The following POLK variants were observed in gnomAD, a reference collection of about 807,000 sequenced individuals.
POLK encodes polymerase (DNA directed) kappa.
A neutral mutation model predicts 94.0 loss-of-function variants in POLK; 76 were observed. The ratio of observed to expected loss-of-function variants is 0.81; its 90% CI spans 0.67 to 0.98. The LOEUF (loss-of-function observed/expected upper bound fraction) is 0.98. Ranked by LOEUF, POLK falls within the 50% of genes least tolerant of loss-of-function variation. The pLI is 0.00. For synonymous variants in POLK, 349 were observed against 325.4 expected (o/e 1.07, Z -0.78); for missense variants, 954 against 1,010.1 (o/e 0.94, Z 0.75).
intron 5 of POLK, among the ~76,000 whole-genome samples, chr5:75,575,467 C>T (rs1451009150): frequency 6.6e-6 from 1 of 152,194 alleles, no homozygotes. Context: ...AGGCATGAGC[C>T]ATCATGCCCA....
rs1239706524 is a variant in POLK at position 75,599,258 on chromosome 5, AAT to A, written c.*1242_*1243del. The A allele has an allele frequency of 4.6e-5, 7 of 152,164 alleles. No homozygotes were observed. The East Asian group carries it at 1.3e-3, about 29-fold the overall frequency. 9.4% of individuals were successfully genotyped at this position (152,164 alleles called of 1,614,324 possible). Reference sequence around the variant, plus strand: ...CGAGACTCTGTCTCAATAATATAATAATAGTTATTATTTAATTGCAACATGAA... The same window carrying A: ...CGAGACTCTGTCTCAATAATATAATAAGTTATTATTTAATTGCAACATGAA... On this transcript the variant is annotated 3_prime_UTR_variant, in exon 15 of 15. Transcript: ENST00000241436.
chr5:75,596,707 A>G (rs1488645605), exon 13 of POLK: 4 of 1,614,010 alleles, frequency 2.5e-6, no homozygotes, highest in Non-Finnish European at 2.5e-6. Context: ...AGTTAACAAG[A>G]AAGAAAATGT....
intron 1 of POLK, among the ~76,000 whole-genome samples, chr5:75,526,079 C>A (rs1768825955): frequency 1.3e-5 from 2 of 152,076 alleles, no homozygotes; most frequent in Admixed American, 6.5e-5. Flanking sequence ...CATTAGTTAC[C>A]ATTTATATAT....
At chr5:75,568,450 G>A (rs1269974202) in intron 3 of POLK, among the ~76,000 whole-genome samples, 1 of 152,148 alleles carries the variant, frequency 6.6e-6, no homozygotes, top group Non-Finnish European at 1.5e-5. Context: ...CACAAAAATG[G>A]AAGTTAGAAA....
intron 1 of POLK, among the ~76,000 whole-genome samples, chr5:75,531,760 C>T (rs544539265): frequency 6.6e-6 from 1 of 151,984 alleles, no homozygotes; most frequent in East Asian, 1.9e-4. Flanking sequence ...TCACTACACT[C>T]CAGCCTGGGT....
intron 1 of POLK, among the ~76,000 whole-genome samples, chr5:75,545,790 G>A (rs1769987846): frequency 6.6e-6 from 1 of 151,884 alleles, no homozygotes; most frequent in South Asian, 2.1e-4. Context: ...GTTTTAATCT[G>A]GGTAGAAACG....
intron 9 of POLK, 49 bp downstream of exon 9, chr5:75,584,975 T>C (rs1479172772): frequency 8.1e-7 from 1 of 1,234,890 alleles, no homozygotes; most frequent in South Asian, 1.3e-5. Context: ...TTTGCTGCAA[T>C]ATCAGTTTTA....
At chr5:75,526,393 A>T (rs1177505075) in intron 1 of POLK, among the ~76,000 whole-genome samples, 1 of 152,054 alleles carries the variant, frequency 6.6e-6, no homozygotes, top group Non-Finnish European at 1.5e-5. Context: ...AAAAAACCTC[A>T]GCACCTAATT....
chr5:75,584,890 A>G (rs1480637098), exon 9 of POLK: 3 of 1,606,866 alleles, frequency 1.9e-6, no homozygotes, highest in Admixed American at 3.4e-5. Context: ...TATTTCCTTC[A>G]TATCTCCTTG....
downstream of POLK, among the ~76,000 whole-genome samples, chr5:75,601,747 C>T (rs772181885): frequency 6.6e-6 from 1 of 152,166 alleles, no homozygotes; most frequent in Non-Finnish European, 1.5e-5. Flanking sequence ...TGAAGGGCTG[C>T]ACCATCTGCT....
At chr5:75,578,427 G>A (rs925496796) in intron 6 of POLK, among the ~76,000 whole-genome samples, 1 of 152,164 alleles carries the variant, frequency 6.6e-6, no homozygotes, top group African/African-American at 2.4e-5. Flanking sequence ...AAAGTGCTGG[G>A]ATTACAGGCA....
intron 5 of POLK, among the ~76,000 whole-genome samples, chr5:75,575,085 CA>C (rs1771804721): frequency 6.6e-6 from 1 of 152,178 alleles, no homozygotes; most frequent in African/African-American, 2.4e-5. Flanking sequence ...ATGCAGATAA[CA>C]AATGAGTTCT....
intron 1 of POLK, among the ~76,000 whole-genome samples, chr5:75,520,891 T>C (rs569709687): frequency 2.6e-5 from 4 of 152,222 alleles, no homozygotes; most frequent in Non-Finnish European, 5.9e-5. Flanking sequence ...CTGAATATAA[T>C]ATTCTTCAAT....
intron 6 of POLK, among the ~76,000 whole-genome samples, chr5:75,577,303 C>T (rs1241372747): frequency 6.6e-6 from 1 of 152,078 alleles, no homozygotes; most frequent in Non-Finnish European, 1.5e-5. Flanking sequence ...AAAGACTAGC[C>T]TCAAACATAT....
At chr5:75,582,077 A>G (rs1048991019) in intron 7 of POLK, 14 of 984,282 alleles carry the variant, frequency 1.4e-5, no homozygotes, top group Non-Finnish European at 1.7e-5. Context: ...GGAGACTTCA[A>G]TCCTGTCCAA....
exon 13 of POLK, chr5:75,597,172 A>C: frequency 6.9e-7 from 1 of 1,452,806 alleles, no homozygotes; most frequent in South Asian, 1.2e-5. Flanking sequence ...AAGCTCCAGA[A>C]GTACTGGTAA....
At chr5:75,545,957 G>A (rs1419904178) in intron 1 of POLK, among the ~76,000 whole-genome samples, 4 of 152,246 alleles carry the variant, frequency 2.6e-5, no homozygotes, top group African/African-American at 2.4e-5. Flanking sequence ...ATGTAGTGCC[G>A]TAAGCATAGT....
At chr5:75,585,069 G>C (rs569459243) in intron 9 of POLK, 143 bp downstream of exon 9, 2 of 620,730 alleles carry the variant, frequency 3.2e-6, no homozygotes, top group Non-Finnish European at 5.7e-6. Flanking sequence ...TTGAATTAGA[G>C]TCAACAGATT....
intron 6 of POLK, among the ~76,000 whole-genome samples, chr5:75,579,732 T>C (rs1212055456): frequency 2.0e-5 from 3 of 151,932 alleles, no homozygotes; most frequent in East Asian, 1.9e-4. Flanking sequence ...CACATAAATA[T>C]CAGCTAATGT....
Sources: allele counts gnomAD v4.1 joint callset (sites outside exome capture counted in the v4.1 genomes callset), GRCh38; gene constraint gnomAD v4.1.1; transcripts MANE v1.5; gene names NCBI Gene and HGNC (gene_info 2026-07-23, HGNC 2026-07-21).